Variants in ERP44 observed in about 807,000 individuals in gnomAD.
ERP44 encodes endoplasmic reticulum protein 44.
Under a neutral mutation model 53.4 loss-of-function variants are expected in ERP44, and 25 were observed. The ratio of observed to expected loss-of-function variants is 0.47; its 90% CI spans 0.34 to 0.65. The LOEUF is 0.65. ERP44 is among the 30% of genes least tolerant of loss of function. ERP44 has a pLI of 0.01. For missense variants in ERP44, 338 were observed against 493.2 expected (o/e 0.69, Z 2.98); for synonymous variants, 145 against 161.2 (o/e 0.90, Z 0.76).
intron 4 of ERP44, among the ~76,000 whole-genome samples, chr9:100,026,201 C>G (rs1232995512): frequency 2.0e-5 from 3 of 152,138 alleles, no homozygotes; most frequent in Non-Finnish European, 4.4e-5. Flanking sequence ...GGGTGATATA[C>G]AAACCTGGGG....
At chr9:100,008,014 A>G (rs1387295436) in intron 8 of ERP44, among the ~76,000 whole-genome samples, 1 of 152,214 alleles carries the variant, frequency 6.6e-6, no homozygotes, top group East Asian at 1.9e-4. Context: ...TATAGAGGTG[A>G]ACTATGCTGG....
intron 1 of ERP44, among the ~76,000 whole-genome samples, chr9:100,060,491 G>GA (rs1368517192): frequency 1.3e-5 from 2 of 152,098 alleles, no homozygotes; most frequent in Non-Finnish European, 2.9e-5. Context: ...AGCACCACAA[G>GA]AAAAAATTTG....
At chr9:100,011,386 T>C (rs952660905) in intron 8 of ERP44, among the ~76,000 whole-genome samples, 1 of 152,186 alleles carries the variant, frequency 6.6e-6, no homozygotes, top group African/African-American at 2.4e-5. Context: ...CTATGTCCAA[T>C]CTATATATCC....
intron 1 of ERP44, among the ~76,000 whole-genome samples, chr9:100,065,075 G>C (rs544772926): frequency 2.0e-5 from 3 of 152,184 alleles, no homozygotes; most frequent in East Asian, 3.9e-4. Context: ...TAATAACTTA[G>C]GCCTTCTCAT....
chr9:100,027,020 C>T (rs1830660757), intron 4 of ERP44, among the ~76,000 whole-genome samples: 2 of 152,166 alleles, frequency 1.3e-5, no homozygotes, highest in African/African-American at 4.8e-5. Flanking sequence ...AGCAAGTATG[C>T]ATAAACCAGG....
intron 1 of ERP44, among the ~76,000 whole-genome samples, chr9:100,090,563 AC>A (rs1826541806): frequency 6.6e-6 from 1 of 152,156 alleles, no homozygotes; most frequent in Non-Finnish European, 1.5e-5. Flanking sequence ...AGTCTGGCCA[AC>A]ATGGTGAAAC....
At chr9:100,026,199 T>C (rs1587967042) in intron 4 of ERP44, among the ~76,000 whole-genome samples, 1 of 152,192 alleles carries the variant, frequency 6.6e-6, no homozygotes, top group Non-Finnish European at 1.5e-5. Flanking sequence ...TGGGGTGATA[T>C]ACAAACCTGG....
intron 4 of ERP44, among the ~76,000 whole-genome samples, chr9:100,037,074 A>G (rs1187331916): frequency 1.3e-5 from 2 of 152,146 alleles, no homozygotes; most frequent in African/African-American, 2.4e-5. Context: ...TTTCACTGAA[A>G]CAGGCAGTGA....
intron 10 of ERP44, among the ~76,000 whole-genome samples, chr9:100,005,674 A>G (rs941058658): frequency 2.6e-5 from 4 of 152,164 alleles, no homozygotes; most frequent in Admixed American, 6.5e-5. Flanking sequence ...TTCCTAGGTA[A>G]TTTTAGGATT....
At chr9:100,026,416 T>C (rs1012323537) in intron 4 of ERP44, among the ~76,000 whole-genome samples, 2 of 152,120 alleles carry the variant, frequency 1.3e-5, no homozygotes, top group Non-Finnish European at 2.9e-5. Context: ...AAGGTACTTG[T>C]GACATGTACT....
At chr9:99,987,073 C>G (rs1432893578) in intron 10 of ERP44, among the ~76,000 whole-genome samples, 1 of 152,186 alleles carries the variant, frequency 6.6e-6, no homozygotes, top group Non-Finnish European at 1.5e-5. Context: ...GTGAGAAATT[C>G]ATGAAAACAC....
chr9:100,086,043 C>G (rs1826477867), intron 1 of ERP44, among the ~76,000 whole-genome samples: 1 of 152,198 alleles, frequency 6.6e-6, no homozygotes, highest in South Asian at 2.1e-4. Context: ...GATTTGTCAT[C>G]ATTTTCCATA....
chr9:100,019,610 A>G lies in ERP44; in HGVS notation c.587+1006T>C, dbSNP rs183453673. Among the ~76,000 whole-genome samples the G allele has an allele frequency of 2.1e-3, 315 of 152,232 alleles. 1 individual carries two copies. The highest frequency in any genetic ancestry group is 7.2e-3 in the African/African-American group (301 of 41,528). ...AGGATGGTTGAGATAACCTCCAATG[A>G]GGAGAGAGGGTCAAGAACAGAACCA... On this transcript the variant is annotated intron_variant, in intron 6 of 11. Transcript: ENST00000262455.
intron 10 of ERP44, among the ~76,000 whole-genome samples, chr9:99,995,352 A>G (rs1314158109): frequency 5.3e-5 from 8 of 152,212 alleles, no homozygotes; most frequent in African/African-American, 1.7e-4. Context: ...TTGTTCTGCT[A>G]GGATTTCCAG....
intron 1 of ERP44, among the ~76,000 whole-genome samples, chr9:100,095,062 A>G (rs1222914842): frequency 6.6e-6 from 1 of 152,080 alleles, no homozygotes; most frequent in Non-Finnish European, 1.5e-5. Context: ...AAATATAGTT[A>G]GCTTTACAGA....
chr9:100,066,611 G>A (rs1258026271), intron 1 of ERP44, among the ~76,000 whole-genome samples: 1 of 152,186 alleles, frequency 6.6e-6, no homozygotes. Context: ...CCAGGCAACA[G>A]TTATCTTCCA....
intron 10 of ERP44, among the ~76,000 whole-genome samples, chr9:100,003,809 G>C (rs1830402061): frequency 6.6e-6 from 1 of 150,856 alleles, no homozygotes; most frequent in Non-Finnish European, 1.5e-5. Context: ...TGTGGGAGTG[G>C]GCCTGGGTCA....
intron 1 of ERP44, among the ~76,000 whole-genome samples, chr9:100,083,038 C>T (rs1190174810): frequency 1.3e-5 from 2 of 151,522 alleles, no homozygotes; most frequent in Non-Finnish European, 2.9e-5. Context: ...ACTTACTACA[C>T]AAAACCACAT....
At chr9:100,080,120 A>T (rs1826407860) in intron 1 of ERP44, among the ~76,000 whole-genome samples, 2 of 152,110 alleles carry the variant, frequency 1.3e-5, no homozygotes, top group South Asian at 4.1e-4. Flanking sequence ...GGTATTCAGA[A>T]TTACAAAGAT....
Sources: gnomAD v4.1 joint callset for allele counts (sites outside exome capture counted in the v4.1 genomes callset) on GRCh38, gnomAD v4.1.1 for gene constraint, MANE v1.5 for transcripts, NCBI Gene and HGNC (gene_info 2026-07-23, HGNC 2026-07-21) for gene names.